RIC1: variants seen among roughly 807,000 people sequenced by gnomAD.
RIC1 encodes the protein guanine nucleotide exchange factor subunit RIC1.
A neutral mutation model predicts 169.0 loss-of-function variants in RIC1; 88 were observed. That is an observed-to-expected ratio of 0.52 (90% CI 0.44 to 0.62). The LOEUF (loss-of-function observed/expected upper bound fraction) is 0.62, where lower values mean the gene tolerates loss of function less well. Ranked by LOEUF, RIC1 falls within the 20% of genes least tolerant of loss-of-function variation. The pLI is 0.00. For missense variants in RIC1, 1,877 were observed against 1,725.5 expected, an observed-to-expected ratio of 1.09 and a Z score of -1.56; for synonymous variants, 790 against 601.5, an observed-to-expected ratio of 1.31 and a Z score of -4.59.
chr9:5,695,479 C>T (rs923830010), intron 3 of RIC1, among the ~76,000 whole-genome samples: 1 of 152,040 alleles, frequency 6.6e-6, no homozygotes, highest in Non-Finnish European at 1.5e-5. Context: ...GTATATTCTA[C>T]CTTGTATGTC....
At position 5,757,397 on chromosome 9, in the gene RIC1, C is replaced by G. The variant is rs560327867; in HGVS notation, c.1938C>G (p.Val646=). 6.2e-7 allele frequency: 1 copy of G among 1,613,944 alleles called. No homozygotes were observed. Among genetic ancestry groups the G allele is most frequent in the South Asian group, 1.1e-5 (1 of 91,074 alleles). ...YIPHPFLVVS[V]TLTSVSTENG... ...CTCACCCTTTCCTGGTGGTATCTGT[C>G]ACTCTGACATCAGTGAGTACAGAGA... The change falls in exon 17 of 26, where the codon GTC becomes GTG. Residue 646 remains valine (V), a synonymous_variant. Transcript: ENST00000414202.
At chr9:5,631,186 A>G (rs2130202094) in intron 1 of RIC1, among the ~76,000 whole-genome samples, 2 of 152,308 alleles carry the variant, frequency 1.3e-5, no homozygotes, top group South Asian at 4.1e-4. Flanking sequence ...GTTACATACG[A>G]CATCTAGAAA....
At chr9:5,654,265 A>C (rs1818960916) in intron 1 of RIC1, among the ~76,000 whole-genome samples, 1 of 150,296 alleles carries the variant, frequency 6.7e-6, no homozygotes, top group Non-Finnish European at 1.5e-5. Context: ...TTTTTTTTGG[A>C]GGTAGAGTCT....
intron 7 of RIC1, among the ~76,000 whole-genome samples, chr9:5,738,203 A>T (rs374965716): frequency 2.0e-5 from 3 of 152,210 alleles, no homozygotes; most frequent in African/African-American, 7.2e-5. Context: ...AAATTATCAC[A>T]ATAGTACAAT....
intron 6 of RIC1, 38 bp downstream of exon 6, chr9:5,720,788 T>G: frequency 6.7e-6 from 10 of 1,487,464 alleles, no homozygotes; most frequent in Non-Finnish European, 9.0e-6. Context: ...TTTGTTATTG[T>G]GTACTTATTT....
chr9:5,753,184 G>C lies in RIC1; in HGVS notation c.1453-16G>C. On this transcript the variant is annotated splice_polypyrimidine_tract_variant and intron_variant, in intron 12 of 25. Coordinates refer to ENST00000414202, the MANE Select transcript of RIC1 (RefSeq NM_020829.4). ...ATTTCATAAGTTTTACCAATCTGAT[G>C]TGTTATTTTCTATAGATTTCCAGCA... 6.2e-7 allele frequency: 1 copy of C among 1,602,724 alleles called. No individual in the cohort carries two copies. Among genetic ancestry groups the C allele is most frequent in the Non-Finnish European group, 8.5e-7 (1 of 1,169,712 alleles).
chr9:5,740,298 G>A (rs1380943180), intron 8 of RIC1, among the ~76,000 whole-genome samples: 2 of 151,992 alleles, frequency 1.3e-5, no homozygotes, highest in African/African-American at 4.8e-5. Context: ...ATTAGAAATA[G>A]AGTCCTTAGC....
intron 2 of RIC1, among the ~76,000 whole-genome samples, chr9:5,665,515 G>A (rs1354259595): frequency 1.3e-5 from 2 of 152,146 alleles, no homozygotes; most frequent in Admixed American, 6.5e-5. Flanking sequence ...AGGAGAATAG[G>A]CACTCTGGTT....
intron 1 of RIC1, 49 bp downstream of exon 1, chr9:5,629,502 G>T (rs1343813091): frequency 6.7e-7 from 1 of 1,492,482 alleles, no homozygotes; most frequent in Non-Finnish European, 8.9e-7. Context: ...CCGGCCTCCC[G>T]GCGCCGTCCC....
intron 2 of RIC1, among the ~76,000 whole-genome samples, chr9:5,659,430 G>T (rs1425834999): frequency 6.6e-6 from 1 of 152,114 alleles, no homozygotes; most frequent in African/African-American, 2.4e-5. Flanking sequence ...AAATTTAACA[G>T]CCCCAAACAT....
intron 12 of RIC1, among the ~76,000 whole-genome samples, chr9:5,752,970 A>G (rs1825810871): frequency 6.6e-6 from 1 of 152,188 alleles, no homozygotes; most frequent in Non-Finnish European, 1.5e-5. Flanking sequence ...AAACAGAAAC[A>G]TAAGGGGCAA....
In RIC1 at chr9:5,720,337, T is replaced by G; in HGVS notation, c.583+13T>G. The stretch of plus-strand genomic sequence containing the variant: ...CAGTCATCTAGAGGTAGCTATACTT[T>G]CTACATGAGGTTGAACCAGTTGTTT... On this transcript the variant is annotated intron_variant, in intron 5 of 25. Coordinates refer to ENST00000414202, the MANE Select transcript of RIC1 (RefSeq NM_020829.4). The G allele has an allele frequency of 6.2e-7, 1 of 1,607,002 alleles. No homozygotes were observed. The highest frequency in any genetic ancestry group is 8.5e-7 in the Non-Finnish European group (1 of 1,176,708).
rs958171676 is a variant in RIC1 at position 5,720,487 on chromosome 9, T to C, written c.584-127T>C. The stretch of plus-strand genomic sequence containing the variant: ...AGAGGCATTTAATAGGAAAGGACAG[T>C]TTAATTATTTAGGGTTGTTAGGTCA... On this transcript the variant is annotated intron_variant, in intron 5 of 25. Transcript: ENST00000414202. 21 of 1,167,728 alleles carry C rather than the reference T, an allele frequency of 1.8e-5. 1 individual carries two copies. In the African/African-American group the frequency reaches 2.0e-4, roughly 11 times the overall value. 72.3% of individuals were successfully genotyped at this position (1,167,728 alleles called of 1,614,324 possible).
intron 1 of RIC1, among the ~76,000 whole-genome samples, chr9:5,643,269 A>T (rs1818339803): frequency 6.6e-6 from 1 of 152,176 alleles, no homozygotes; most frequent in East Asian, 1.9e-4. Context: ...AGATGACTAA[A>T]ATCTCCTTTT....
chr9:5,765,482 C>G lies in RIC1; in HGVS notation c.2910C>G (p.Gly970=). The change falls in exon 20 of 26, where the codon GGC becomes GGG. Residue 970 remains glycine (G), a synonymous_variant. Coordinates refer to ENST00000414202, the MANE Select transcript of RIC1 (RefSeq NM_020829.4). ...TATTCAACACAGCACTAGAACAAGG[C>G]AAGTGGGACCTTTGTCGACACATGA... ...TLLFNTALEQ[G]KWDLCRHMIR... 2 of 1,614,182 alleles carry G rather than the reference C, an allele frequency of 1.2e-6. No homozygotes were observed. Among genetic ancestry groups the G allele is most frequent in the African/African-American group, 1.3e-5 (1 of 75,052 alleles).
chr9:5,715,249 G>A (rs1823160810), intron 4 of RIC1, among the ~76,000 whole-genome samples: 2 of 152,104 alleles, frequency 1.3e-5, no homozygotes, highest in African/African-American at 4.8e-5. Flanking sequence ...GTGTCTGTAG[G>A]TACCAAGAAA....
chr9:5,708,355 G>A (rs769843946), intron 3 of RIC1, among the ~76,000 whole-genome samples: 18 of 152,078 alleles, frequency 1.2e-4, no homozygotes, highest in Non-Finnish European at 2.4e-4. Flanking sequence ...ATTTACCTAT[G>A]TAATTACTTT....
chr9:5,632,721 A>T (rs4740823), intron 1 of RIC1, among the ~76,000 whole-genome samples: 1 of 151,982 alleles, frequency 6.6e-6, no homozygotes, highest in African/African-American at 2.4e-5. Flanking sequence ...AAACTGTTGC[A>T]TAAGGTAGGT....
intron 12 of RIC1, among the ~76,000 whole-genome samples, chr9:5,751,028 C>G (rs1232035060): frequency 6.6e-6 from 1 of 151,720 alleles, no homozygotes; most frequent in Non-Finnish European, 1.5e-5. Context: ...AGATATTGAT[C>G]ATAGTGTGAT....
Sources: gnomAD v4.1 joint callset for allele counts (sites outside exome capture counted in the v4.1 genomes callset) on GRCh38, gnomAD v4.1.1 for gene constraint, MANE v1.5 for transcripts, NCBI Gene and HGNC (gene_info 2026-07-23, HGNC 2026-07-21) for gene names.